Variants in INTS6 observed in about 807,000 individuals in gnomAD.
INTS6 encodes integrator complex subunit 6, also known as DEAD box protein.
Under a neutral mutation model 104.9 loss-of-function variants are expected in INTS6, and 16 were observed. The ratio of observed to expected loss-of-function variants is 0.15; its 90% confidence interval spans 0.10 to 0.23. INTS6 has a LOEUF of 0.23. INTS6 is among the 10% of genes least tolerant of loss of function. The pLI, the probability that INTS6 is intolerant of heterozygous loss-of-function variation, is 1.00. For missense variants in INTS6, 584 were observed against 1,062.8 expected, an observed-to-expected ratio of 0.55 and a Z score of 6.26; for synonymous variants, 324 against 358.7, an observed-to-expected ratio of 0.90 and a Z score of 1.09.
At chr13:51,335,562 G>C in the INTS6 span, among the ~76,000 whole-genome samples, 1 of 152,192 alleles carries the variant, frequency 6.6e-6, no homozygotes, top group Non-Finnish European at 1.5e-5. Flanking sequence ...GTGGAGCTAC[G>C]TAGTAAATTA....
At chr13:51,352,671 AG>A (rs1955417631), downstream of INTS6, among the ~76,000 whole-genome samples, 1 of 152,022 alleles carries the variant, frequency 6.6e-6, no homozygotes, top group South Asian at 2.1e-4. Context: ...TCCTGATCTT[AG>A]GGGGAAAGTT....
At chr13:51,445,520 T>G (rs1952896056) in intron 3 of INTS6, 1 of 152,240 alleles carries the variant, frequency 6.6e-6, no homozygotes, top group Non-Finnish European at 1.5e-5. Flanking sequence ...AGGTACATTT[T>G]AAATATATCA....
intron 13 of INTS6, among the ~76,000 whole-genome samples, chr13:51,375,740 T>G (rs562761616): frequency 1.8e-3 from 255 of 143,614 alleles, no homozygotes; most frequent in Non-Finnish European, 2.9e-3. Flanking sequence ...AGTGGGTGTG[T>G]GTGTGTGTGT....
chr13:51,369,439 G>A (rs1955761963), intron 15 of INTS6, 129 bp from the exon 16 acceptor site: 3 of 896,412 alleles, frequency 3.3e-6, no homozygotes, highest in African/African-American at 3.4e-5. Flanking sequence ...AACAAATAAT[G>A]TGATATAGTT....
At chr13:51,383,272 C>A in intron 9 of INTS6, 57 bp downstream of exon 9, 15 of 1,434,418 alleles carry the variant, frequency 1.0e-5, no homozygotes, top group Non-Finnish European at 1.4e-5. Flanking sequence ...CAAAGAAATG[C>A]GCTTTAGGAG....
At chr13:51,344,747 A>G in the INTS6 span, among the ~76,000 whole-genome samples, 1 of 152,134 alleles carries the variant, frequency 6.6e-6, no homozygotes, top group East Asian at 1.9e-4. Context: ...ACAAGAACAC[A>G]GAATTGTGCT....
intron 3 of INTS6, chr13:51,444,234 G>C (rs182356982): frequency 7.3e-6 from 1 of 136,978 alleles, no homozygotes; most frequent in East Asian, 2.2e-4. Context: ...ACAGGCACAT[G>C]CCACCACCCC....
intron 12 of INTS6, among the ~76,000 whole-genome samples, chr13:51,377,546 T>TCC (rs1955959199): frequency 6.6e-6 from 1 of 152,144 alleles, no homozygotes; most frequent in Non-Finnish European, 1.5e-5. Flanking sequence ...CATATGGATA[T>TCC]CCAATTGTTC....
chr13:51,430,193 A>C (rs1277557963), intron 4 of INTS6, 101 bp downstream of exon 4: 10 of 931,430 alleles, frequency 1.1e-5, no homozygotes, highest in Non-Finnish European at 1.7e-5. Context: ...ATTGCATCAA[A>C]TAATCAACGA....
At chr13:51,420,506 A>C (rs1956877361) in intron 4 of INTS6, among the ~76,000 whole-genome samples, 1 of 152,110 alleles carries the variant, frequency 6.6e-6, no homozygotes, top group Non-Finnish European at 1.5e-5. Context: ...ATCTCTGGAG[A>C]ATCTTTTTCT....
chr13:51,363,945 T>C lies in INTS6; in HGVS notation c.*1807A>G, dbSNP rs1955633967. ...AAAGCTGCTCAATATTGGGATGGGC[T>C]GAATCTCTTTCCTAGATACTCTTGT... On this transcript the variant is annotated 3_prime_UTR_variant, in exon 18 of 18. Coordinates refer to ENST00000311234, the MANE Select transcript of INTS6 (RefSeq NM_012141.3). 2 of 215,236 alleles carry C rather than the reference T, an allele frequency of 9.3e-6. No individual in the cohort carries two copies. The highest frequency in any genetic ancestry group is 5.8e-5 in the Admixed American group (1 of 17,352). The allele number at this position is 215,236 out of a possible 1,614,324, so 13.3% of individuals were successfully genotyped here.
chr13:51,433,615 G>A (rs1319432887), intron 3 of INTS6, among the ~76,000 whole-genome samples: 3 of 152,138 alleles, frequency 2.0e-5, no homozygotes, highest in Non-Finnish European at 4.4e-5. Context: ...ACATCCACCC[G>A]AAAGGTAATA....
intron 9 of INTS6, 83 bp downstream of exon 9, chr13:51,383,246 A>G (rs1054786612): frequency 4.3e-6 from 5 of 1,171,688 alleles, no homozygotes; most frequent in Admixed American, 2.5e-5. Flanking sequence ...TGATTTCCAG[A>G]AGACAAGAAA....
At chr13:51,372,305 GT>G (rs35562726) in intron 15 of INTS6, among the ~76,000 whole-genome samples, 15,297 of 139,088 alleles carry the variant, frequency 0.11, 1,341 homozygotes, top group African/African-American at 0.25. Flanking sequence ...TGATTGAACA[GT>G]TTTTTTTTTT....
At chr13:51,431,787 A>C (rs1272980747) in intron 3 of INTS6, among the ~76,000 whole-genome samples, 1 of 152,168 alleles carries the variant, frequency 6.6e-6, no homozygotes, top group African/African-American at 2.4e-5. Flanking sequence ...AATATGTTAG[A>C]TATAATCTCT....
At chr13:51,352,625 A>T (rs1305568705), downstream of INTS6, among the ~76,000 whole-genome samples, 1 of 152,034 alleles carries the variant, frequency 6.6e-6, no homozygotes, top group East Asian at 1.9e-4. Context: ...GTACCATGTG[A>T]AATAGAAGGG....
In INTS6 at chr13:51,374,010, T is replaced by C. The variant is rs184983890; in HGVS notation, c.2104+198A>G. Among the ~76,000 whole-genome samples, 150 of 152,332 alleles carry C rather than the reference T, an allele frequency of 9.8e-4. No individual in the cohort carries two copies. In the Middle Eastern group the frequency reaches 0.01, roughly 10 times the overall value. The stretch of plus-strand genomic sequence containing the variant: ...TTAGAACATAATAGCTAATAAAGCA[T>C]CATAAATAAGAAATGTTCAAATGTT... On this transcript the variant is annotated intron_variant, in intron 15 of 17. Transcript: ENST00000311234.
At chr13:51,426,571 T>C (rs141467881) in intron 4 of INTS6, among the ~76,000 whole-genome samples, 1 of 151,568 alleles carries the variant, frequency 6.6e-6, no homozygotes, top group African/African-American at 2.4e-5. Flanking sequence ...CCCACACACT[T>C]AGTATGTATC....
intron 3 of INTS6, among the ~76,000 whole-genome samples, chr13:51,433,002 C>T (rs889682387): frequency 1.3e-5 from 2 of 152,220 alleles, no homozygotes; most frequent in Admixed American, 1.3e-4. Context: ...AGCTTCGAAA[C>T]TATATTATCT....
Sources: gnomAD v4.1 joint callset for allele counts (sites outside exome capture counted in the v4.1 genomes callset) on GRCh38, gnomAD v4.1.1 for gene constraint, MANE v1.5 for transcripts, NCBI Gene and HGNC (gene_info 2026-07-23, HGNC 2026-07-21) for gene names.